Variants in SLC4A4 observed in about 807,000 individuals in gnomAD.
SLC4A4 encodes solute carrier family 4 member 4.
Under a neutral mutation model 111.5 loss-of-function variants are expected in SLC4A4, and 27 were observed. That is an observed-to-expected ratio of 0.24 (90% confidence interval 0.18 to 0.33). The LOEUF is 0.33. Ranked by LOEUF, SLC4A4 falls within the 10% of genes least tolerant of loss-of-function variation. The pLI, the probability that SLC4A4 is intolerant of heterozygous loss-of-function variation, is 1.00. For missense variants in SLC4A4, 909 were observed against 1,315.5 expected (o/e 0.69, Z 4.78); for synonymous variants, 443 against 463.4 (o/e 0.96, Z 0.57).
intron 5 of SLC4A4, among the ~76,000 whole-genome samples, chr4:71,352,304 C>T (rs1241858252): frequency 1.3e-5 from 2 of 152,084 alleles, no homozygotes; most frequent in African/African-American, 4.8e-5. Flanking sequence ...AAAATCATGA[C>T]TTGGCAGAGT....
intron 4 of SLC4A4, among the ~76,000 whole-genome samples, chr4:71,342,692 A>G (rs1728988707): frequency 6.6e-6 from 1 of 152,202 alleles, no homozygotes; most frequent in South Asian, 2.1e-4. Context: ...TCAAATGCAG[A>G]CCATACGTTA....
chr4:71,297,780 G>T (rs1462988858), intron 3 of SLC4A4, among the ~76,000 whole-genome samples: 1 of 151,874 alleles, frequency 6.6e-6, no homozygotes, highest in Non-Finnish European at 1.5e-5. Flanking sequence ...TAGAGACAGG[G>T]TTTCACCATG....
intron 24 of SLC4A4, among the ~76,000 whole-genome samples, chr4:71,566,781 A>G (rs1233784145): frequency 6.6e-6 from 1 of 151,798 alleles, no homozygotes; most frequent in Non-Finnish European, 1.5e-5. Context: ...TCTCACTGAC[A>G]AGACAACAGT....
intron 2 of SLC4A4, among the ~76,000 whole-genome samples, chr4:71,148,235 C>A (rs1744230011): frequency 6.6e-6 from 1 of 152,242 alleles, no homozygotes; most frequent in Non-Finnish European, 1.5e-5. Flanking sequence ...ACAGCTCTGA[C>A]AATTGGAAAG....
Position 71,402,156 on chromosome 4 carries a change from A to C in SLC4A4, c.807+4503A>C, listed in dbSNP as rs775009514. The stretch of plus-strand genomic sequence containing the variant: ...CCTGAATTTAAATATTTTGTCAGAA[A>C]GTATGCGGATGAAACCATTAACCAT... On this transcript the variant is annotated intron_variant, in intron 7 of 25. Coordinates refer to ENST00000264485, the MANE Select transcript of SLC4A4 (RefSeq NM_001098484.3). Among the ~76,000 whole-genome samples the C allele has an allele frequency of 7.2e-5, 11 of 152,328 alleles. 1 individual carries two copies. Among genetic ancestry groups the C allele is most frequent in the Middle Eastern group, 3.4e-3 (1 of 294 alleles).
At chr4:71,425,167 G>A (rs557369572) in intron 7 of SLC4A4, among the ~76,000 whole-genome samples, 24 of 152,156 alleles carry the variant, frequency 1.6e-4, no homozygotes, top group Admixed American at 1.2e-3. Context: ...TCAGGAACAC[G>A]CAAGCCCTGT....
chr4:71,492,764 G>T (rs189746400), intron 15 of SLC4A4, among the ~76,000 whole-genome samples: 1 of 151,956 alleles, frequency 6.6e-6, no homozygotes, highest in Non-Finnish European at 1.5e-5. Context: ...CTGTCCTTCT[G>T]CTCTTACTCC....
At chr4:71,124,250 G>A (rs1444711476) in intron 2 of SLC4A4, among the ~76,000 whole-genome samples, 1 of 148,144 alleles carries the variant, frequency 6.8e-6, no homozygotes, top group East Asian at 2.0e-4. Context: ...TCAGCTCACT[G>A]CAACCTTTGC....
At chr4:71,532,645 G>T (rs1233976254) in intron 17 of SLC4A4, among the ~76,000 whole-genome samples, 1 of 151,998 alleles carries the variant, frequency 6.6e-6, no homozygotes, top group African/African-American at 2.4e-5. Context: ...AGCTGGTGCT[G>T]TAGGCACATA....
intron 2 of SLC4A4, among the ~76,000 whole-genome samples, chr4:71,137,534 C>T (rs1222216918): frequency 6.6e-6 from 1 of 152,212 alleles, no homozygotes; most frequent in African/African-American, 2.4e-5. Context: ...ACCACCCTCT[C>T]TTTTAGAACT....
chr4:71,394,227 G>A (rs1051473403), intron 6 of SLC4A4, among the ~76,000 whole-genome samples: 1 of 151,992 alleles, frequency 6.6e-6, no homozygotes, highest in Non-Finnish European at 1.5e-5. Context: ...AACCCACAGA[G>A]TGGGAGAAAC....
At chr4:71,168,177 C>CTTTTTTTTTTTT (rs777092928) in intron 2 of SLC4A4, among the ~76,000 whole-genome samples, 1 of 106,242 alleles carries the variant, frequency 9.4e-6, no homozygotes, top group African/African-American at 4.3e-5. Flanking sequence ...CAATTATACT[C>CTTTTTTTTTTTT]TTTTTTTTTT....
intron 1 of SLC4A4, among the ~76,000 whole-genome samples, chr4:71,189,950 C>T (rs1422994263): frequency 6.6e-6 from 1 of 152,050 alleles, no homozygotes; most frequent in Non-Finnish European, 1.5e-5. Context: ...ATGAAGGAAT[C>T]AGAATGCATG....
chr4:71,171,834 TC>T (rs570206776), intron 2 of SLC4A4, among the ~76,000 whole-genome samples: 93 of 152,364 alleles, frequency 6.1e-4, no homozygotes, highest in Admixed American at 2.2e-3. Flanking sequence ...AAATGGAATG[TC>T]TTTTACTCTT....
chr4:71,295,413 T>C (rs2255428), intron 3 of SLC4A4, among the ~76,000 whole-genome samples: 4,939 of 152,232 alleles, frequency 0.032, 285 homozygotes, highest in African/African-American at 0.11. Flanking sequence ...CTTTTAAATA[T>C]CAACAGAAGA....
intron 7 of SLC4A4, among the ~76,000 whole-genome samples, chr4:71,400,434 A>G (rs1294116949): frequency 1.3e-5 from 2 of 152,334 alleles, no homozygotes; most frequent in Admixed American, 6.5e-5. Flanking sequence ...ATCAAGGTTC[A>G]TGTTTAGATG....
intron 3 of SLC4A4, among the ~76,000 whole-genome samples, chr4:71,314,164 T>TA (rs1726460371): frequency 6.6e-6 from 1 of 151,678 alleles, no homozygotes; most frequent in African/African-American, 2.4e-5. Context: ...AAGAAACATA[T>TA]AAAAAAAGCT....
At chr4:71,178,117 T>C (rs1038357731) in intron 2 of SLC4A4, among the ~76,000 whole-genome samples, 6 of 152,090 alleles carry the variant, frequency 3.9e-5, no homozygotes, top group South Asian at 2.1e-4. Flanking sequence ...AATAAAGATG[T>C]TCTTTGAAAC....
Position 71,497,621 on chromosome 4 carries a change from C to T in SLC4A4, c.2095C>T (p.Leu699Phe), listed in dbSNP as rs1408091752. The change falls in exon 16 of 26, where the codon CTC (leucine) becomes TTC (phenylalanine). Residue 699 changes from leucine to phenylalanine, a missense_variant. Physicochemically the swap from Leu to Phe is conservative, Grantham distance 22. Transcript: ENST00000264485. ...VPDITLMSFI[L>F]FLGTYTSSMA... ...TGATATCACACTCATGTCTTTTATC[C>T]TCTTCTTGGGAACCTACACCTCTTC... The T allele has an allele frequency of 6.2e-7, 1 of 1,613,654 alleles. No individual in the cohort carries two copies. The highest frequency in any genetic ancestry group is 1.1e-5 in the South Asian group (1 of 91,070).
Sources: gnomAD v4.1 joint callset for allele counts (sites outside exome capture counted in the v4.1 genomes callset) on GRCh38, gnomAD v4.1.1 for gene constraint, MANE v1.5 for transcripts, NCBI Gene and HGNC (gene_info 2026-07-23, HGNC 2026-07-21) for gene names.